The following LTBP1 variants were observed in gnomAD, a reference collection of about 807,000 sequenced individuals.
The protein encoded by LTBP1 is latent transforming growth factor beta binding protein 1, also known as latent-transforming growth factor beta-binding protein 1.
A neutral mutation model predicts 207.6 loss-of-function variants in LTBP1; 129 were observed. The observed-to-expected ratio is 0.62, with a 90% CI of 0.54 to 0.72. LTBP1 has a LOEUF of 0.72. Among genes scored for constraint, LTBP1 ranks in the 30% least tolerant of loss-of-function variants. The pLI is 0.00. For synonymous variants in LTBP1, 963 were observed against 833.7 expected (o/e 1.16, Z -2.67); for missense variants, 2,281 against 2,217.2 (o/e 1.03, Z -0.58).
chr2:33,204,454 A>C lies in LTBP1; in HGVS notation c.1702-13098A>C, dbSNP rs570135842. Among the ~76,000 whole-genome samples the C allele has an allele frequency of 5.3e-5, 8 of 152,316 alleles. No individual in the cohort carries two copies. The South Asian group carries it at 1.4e-3, about 28-fold the overall frequency. On this transcript the variant is annotated intron_variant, in intron 7 of 33. Coordinates refer to ENST00000404816, the MANE Select transcript of LTBP1 (RefSeq NM_206943.4). ...TGTATATTTCTAAATATTTTAAACA[A>C]AGAGAGCAATGCCTCCAAGATGATC...
chr2:33,316,914 T>A (rs2094282019), intron 24 of LTBP1, among the ~76,000 whole-genome samples: 2 of 152,246 alleles, frequency 1.3e-5, no homozygotes, highest in East Asian at 1.9e-4. Context: ...AAGGCTTGCT[T>A]CCTAAGAAAT....
chr2:32,987,398 T>G (rs1683759736), intron 2 of LTBP1, among the ~76,000 whole-genome samples: 1 of 151,896 alleles, frequency 6.6e-6, no homozygotes, highest in East Asian at 1.9e-4. Context: ...ATTGAGGGGG[T>G]TGCATCAGCT....
At chr2:33,004,950 G>A (rs1432790076) in intron 2 of LTBP1, among the ~76,000 whole-genome samples, 1 of 152,034 alleles carries the variant, frequency 6.6e-6, no homozygotes, top group East Asian at 1.9e-4. Flanking sequence ...TTTAGTGCTT[G>A]AAAATGCATG....
intron 15 of LTBP1, among the ~76,000 whole-genome samples, chr2:33,265,793 A>C (rs988193290): frequency 2.0e-5 from 3 of 152,152 alleles, no homozygotes; most frequent in African/African-American, 4.8e-5. Flanking sequence ...AGTCAGCAAA[A>C]ATGTCACTAA....
At chr2:33,074,232 A>G (rs2077954143) in intron 3 of LTBP1, among the ~76,000 whole-genome samples, 1 of 152,248 alleles carries the variant, frequency 6.6e-6, no homozygotes, top group South Asian at 2.1e-4. Flanking sequence ...AAGAATTGAT[A>G]GAAAAGAGAC....
intron 2 of LTBP1, among the ~76,000 whole-genome samples, chr2:32,994,042 C>A (rs559956289): frequency 1.4e-5 from 2 of 147,808 alleles, no homozygotes; most frequent in African/African-American, 5.0e-5. Flanking sequence ...CATTACAGAG[C>A]TTGACTGTGG....
At chr2:33,132,325 T>C (rs1031332454) in intron 4 of LTBP1, among the ~76,000 whole-genome samples, 1 of 152,224 alleles carries the variant, frequency 6.6e-6, no homozygotes. Context: ...TTCTGTTGTT[T>C]TTTTTGAATT....
intron 9 of LTBP1, among the ~76,000 whole-genome samples, chr2:33,234,229 C>T (rs2091929995): frequency 6.6e-6 from 1 of 152,132 alleles, no homozygotes; most frequent in Non-Finnish European, 1.5e-5. Context: ...GCTTAGACCC[C>T]ATTGCCCCAA....
chr2:32,959,613 A>ATTT lies in LTBP1; in HGVS notation c.565+10669_565+10670insTTT, dbSNP rs71407488. Reference sequence around the variant, plus strand: ...TATGTACGTGTATATATATATATATATATATATATTTTTTTTTTTTTTTTT... The same window carrying ATTT: ...TATGTACGTGTATATATATATATATATTTTATATATATTTTTTTTTTTTTTTTT... On this transcript the variant is annotated intron_variant, in intron 2 of 33. Coordinates refer to ENST00000404816, the MANE Select transcript of LTBP1 (RefSeq NM_206943.4). Among the ~76,000 whole-genome samples, 317 of 36,642 alleles carry ATTT rather than the reference A, an allele frequency of 8.7e-3. 6 individuals carry two copies. Among genetic ancestry groups the ATTT allele is most frequent in the Non-Finnish European group, 0.013 (252 of 19,328 alleles). The allele number at this position is 36,642 out of a possible 152,430, so 24.0% of individuals were successfully genotyped here.
At chr2:33,307,200 A>G (rs2094112180) in intron 22 of LTBP1, among the ~76,000 whole-genome samples, 1 of 152,242 alleles carries the variant, frequency 6.6e-6, no homozygotes, top group Non-Finnish European at 1.5e-5. Context: ...GTGGGAATGT[A>G]ATTGCTACAG....
intron 31 of LTBP1, among the ~76,000 whole-genome samples, chr2:33,386,262 G>A (rs2095264570): frequency 6.6e-6 from 1 of 152,188 alleles, no homozygotes; most frequent in Non-Finnish European, 1.5e-5. Context: ...ACATTGCATA[G>A]GAACAGGAGC....
chr2:32,963,809 C>A (rs1679523318), intron 2 of LTBP1, among the ~76,000 whole-genome samples: 1 of 152,048 alleles, frequency 6.6e-6, no homozygotes, highest in African/African-American at 2.4e-5. Context: ...GTAGTAGACC[C>A]CTTGGCCCTC....
chr2:33,393,538 G>A (rs1053909262), intron 32 of LTBP1, among the ~76,000 whole-genome samples: 2 of 150,286 alleles, frequency 1.3e-5, no homozygotes, highest in African/African-American at 4.9e-5. Flanking sequence ...GAGAACATGC[G>A]GTGTTTGGTT....
intron 24 of LTBP1, among the ~76,000 whole-genome samples, chr2:33,331,500 T>A (rs1165211177): frequency 6.6e-6 from 1 of 152,162 alleles, no homozygotes; most frequent in Non-Finnish European, 1.5e-5. Flanking sequence ...TCACTTAATA[T>A]CCAGATGTTT....
At chr2:32,969,327 A>G (rs961973818) in intron 2 of LTBP1, among the ~76,000 whole-genome samples, 4 of 118,774 alleles carry the variant, frequency 3.4e-5, no homozygotes, top group Non-Finnish European at 5.9e-5. Flanking sequence ...GGTTTGTTAT[A>G]TAGGTAAATT....
At chr2:33,397,089 G>A (rs770651736) in intron 32 of LTBP1, 44 bp from the exon 33 acceptor site, 13 of 1,579,992 alleles carry the variant, frequency 8.2e-6, no homozygotes, top group East Asian at 2.3e-5. Flanking sequence ...AATGATATAG[G>A]AAGTTGAGAA....
chr2:33,320,294 G>T (rs1020158787), intron 24 of LTBP1, among the ~76,000 whole-genome samples: 2 of 151,806 alleles, frequency 1.3e-5, no homozygotes, highest in East Asian at 3.9e-4. Flanking sequence ...GCTTGAACAT[G>T]GGAACTGGAA....
chr2:32,954,552 C>CG (rs1046981377), intron 2 of LTBP1, among the ~76,000 whole-genome samples: 1 of 150,618 alleles, frequency 6.6e-6, no homozygotes, highest in Non-Finnish European at 1.5e-5. Context: ...CTCCCCGCCC[C>CG]CCCCCACCAA....
At chr2:33,105,365 A>T (rs1231544515) in intron 3 of LTBP1, among the ~76,000 whole-genome samples, 1 of 152,212 alleles carries the variant, frequency 6.6e-6, no homozygotes, top group Non-Finnish European at 1.5e-5. Context: ...CAATTTTTAA[A>T]TTAAAATGTA....
Sources: allele counts gnomAD v4.1 joint callset (sites outside exome capture counted in the v4.1 genomes callset), GRCh38; gene constraint gnomAD v4.1.1; transcripts MANE v1.5; gene names NCBI Gene and HGNC (gene_info 2026-07-23, HGNC 2026-07-21).